Variants in GPRIN2 observed in about 807,000 individuals in gnomAD.
GPRIN2 encodes G protein-regulated inducer of neurite outgrowth 2.
Under a neutral mutation model 0.3 loss-of-function variants are expected in GPRIN2, and 1 was observed. The ratio of observed to expected loss-of-function variants is 3.90; its 90% confidence interval spans 1.39 to 18.51. The LOEUF (loss-of-function observed/expected upper bound fraction) is 18.51, where lower values mean the gene tolerates loss of function less well. Ranked by LOEUF, GPRIN2 falls within the 30% of genes most tolerant of loss-of-function variation. The pLI is 0.11. For synonymous variants in GPRIN2, 361 were observed against 258.6 expected (o/e 1.40, Z -3.80); for missense variants, 880 against 604.2 (o/e 1.46, Z -4.79).
Position 46,544,337 on chromosome 10 carries a change from T to G in GPRIN2, c.*5023A>C, listed in dbSNP as rs1280986358. On this transcript the variant is annotated 3_prime_UTR_variant, in exon 3 of 3. Transcript: ENST00000374314. The stretch of plus-strand genomic sequence containing the variant: ...CATACTTCTTTCTTGTCTTTTTCTT[T>G]TTTTGAAACAGGGTCTGGCTCCGTC... Among the ~76,000 whole-genome samples, 1 of 152,310 alleles carries G rather than the reference T, an allele frequency of 6.6e-6. No homozygotes were observed. Among genetic ancestry groups the G allele is most frequent in the African/African-American group, 2.4e-5 (1 of 41,486 alleles).
At position 46,550,185 on chromosome 10, in the gene GPRIN2, G is replaced by GT. The variant is rs1832455597; in HGVS notation, c.551dup (p.Asn184LysfsTer31). ...GACTCGCCCCCAGCATCCAGGCTGAGTTAGAAGTCTCATCCTCAGGAGCCA... is the reference window on the plus strand; with the variant it reads ...GACTCGCCCCCAGCATCCAGGCTGAGTTTAGAAGTCTCATCCTCAGGAGCCA... On this transcript the variant is annotated frameshift_variant, in exon 3 of 3. Coordinates refer to ENST00000374314, the MANE Select transcript of GPRIN2 (RefSeq NM_001385282.1). LOFTEE classifies it low-confidence loss of function (END_TRUNC). The GT allele has an allele frequency of 6.2e-7, 1 of 1,600,092 alleles. No homozygotes were observed. The highest frequency in any genetic ancestry group is 8.5e-7 in the Non-Finnish European group (1 of 1,172,900).
intron 2 of GPRIN2, 138 bp downstream of exon 2, chr10:46,554,447 G>C (rs1842952083): frequency 6.5e-6 from 1 of 152,752 alleles, no homozygotes; most frequent in South Asian, 2.1e-4. Context: ...TGCCCAGAAT[G>C]GCACACCCAC....
rs1832935607 is a variant in GPRIN2, at chr10:46,545,705, G to A, written c.*3655C>T. 1.3e-4 allele frequency among the ~76,000 whole-genome samples: 20 copies of A among 152,412 alleles called. No individual in the cohort carries two copies. The highest frequency in any genetic ancestry group is 1.2e-3 in the East Asian group (6 of 5,194). ...CTGTGATCACAGCCAAGCTGGCAGG[G>A]TAAGAGGTGGCCCCTGAATGTGGCT... On this transcript the variant is annotated 3_prime_UTR_variant, in exon 3 of 3. Transcript: ENST00000374314.
chr10:46,549,803 C>A lies in GPRIN2; in HGVS notation c.934G>T (p.Asp312Tyr). 1 of 1,614,198 alleles carries A rather than the reference C, an allele frequency of 6.2e-7. No homozygotes were observed. Among genetic ancestry groups the A allele is most frequent in the East Asian group, 2.2e-5 (1 of 44,896 alleles). The change falls in exon 3 of 3, where the codon GAT becomes TAT. Residue 312 changes from aspartate to tyrosine, a missense_variant. Asp to Tyr is a radical substitution (Grantham distance 160). Coordinates refer to ENST00000374314, the MANE Select transcript of GPRIN2 (RefSeq NM_001385282.1). The part of the protein sequence containing the change: ...LVPEPGSRTK[D>Y]VWTMTSANDL... Reference sequence around the variant, plus strand: ...TTGGCTGAGGTCATGGTCCACACATCTTTGGTCCTAGAGCCAGGCTCTGGG... The same window carrying A: ...TTGGCTGAGGTCATGGTCCACACATATTTGGTCCTAGAGCCAGGCTCTGGG...
intron 2 of GPRIN2, among the ~76,000 whole-genome samples, chr10:46,551,150 G>A (rs138803152): frequency 4.1e-4 from 62 of 152,366 alleles, no homozygotes; most frequent in African/African-American, 1.3e-3. Flanking sequence ...ACAGCTCTTG[G>A]TCAACCAGCA....
chr10:46,546,300 T>C lies in GPRIN2; in HGVS notation c.*3060A>G, dbSNP rs1832909989. On this transcript the variant is annotated 3_prime_UTR_variant, in exon 3 of 3. Coordinates refer to ENST00000374314, the MANE Select transcript of GPRIN2 (RefSeq NM_001385282.1). ...CAGCTGTCGGGGGTCCTGAATGCCA[T>C]GGAAGGAGAGCAGGTGGGCAGAAGC... Among the ~76,000 whole-genome samples the C allele has an allele frequency of 1.3e-3, 191 of 152,318 alleles. No individual in the cohort carries two copies. The highest frequency in any genetic ancestry group is 2.0e-3 in the Non-Finnish European group (139 of 67,986).
rs1484122195 is a variant in GPRIN2, at chr10:46,556,560, C to T, written c.-180G>A. ...CTGCTCCTGCGGCCGCCACAGGTGC[C>T]AGGTGCCGCGGCCCAAGATGGAGCC... is the stretch of plus-strand genomic sequence containing the variant. On this transcript the variant is annotated 5_prime_UTR_variant, in exon 1 of 3. Transcript: ENST00000374314. Among the ~76,000 whole-genome samples, 2 of 152,202 alleles carry T rather than the reference C, an allele frequency of 1.3e-5. No homozygotes were observed. The highest frequency in any genetic ancestry group is 2.9e-5 in the Non-Finnish European group (2 of 68,016).
At position 46,549,246 on chromosome 10, in the gene GPRIN2, TGA is replaced by T. The variant is rs1259766231; in HGVS notation, c.*112_*113del. On this transcript the variant is annotated 3_prime_UTR_variant, in exon 3 of 3. Coordinates refer to ENST00000374314, the MANE Select transcript of GPRIN2 (RefSeq NM_001385282.1). ...GGTCTGGAGGCAGCCAATATTCAGG[TGA>T]GAGATGTGCCCAGCTGCCGGTGGGT... The T allele has an allele frequency of 1.2e-5, 16 of 1,323,598 alleles. No individual in the cohort carries two copies. Among genetic ancestry groups the T allele is most frequent in the East Asian group, 8.2e-5 (3 of 36,644 alleles). The allele number at this position is 1,323,598 out of a possible 1,614,324, so 82.0% of individuals were successfully genotyped here.
intron 2 of GPRIN2, among the ~76,000 whole-genome samples, chr10:46,553,228 C>T (rs1188884645): frequency 5.3e-5 from 8 of 152,304 alleles, no homozygotes; most frequent in South Asian, 2.1e-4. Flanking sequence ...AGCTCTCACC[C>T]TTTTTACTGA....
rs1832402731 is a variant in GPRIN2 at position 46,550,342 on chromosome 10, C to G, written c.395G>C (p.Gly132Ala). Reference sequence around the variant, plus strand: ...ACTGGCCTTCCGAGCACCACTGTGTCCCCGCATCTGGGTGCTACGGACCAG... The same window carrying G: ...ACTGGCCTTCCGAGCACCACTGTGTGCCCGCATCTGGGTGCTACGGACCAG... ...SDLVRSTQMR[G>A]HSGARKASLS... is the part of the protein sequence containing the mutation. Residue 132 changes from glycine (G) to alanine (A), a missense_variant, in exon 3 of 3, where the codon GGA (glycine) becomes GCA (alanine). Coordinates refer to ENST00000374314, the MANE Select transcript of GPRIN2 (RefSeq NM_001385282.1). The G allele has an allele frequency of 1.2e-6, 2 of 1,613,052 alleles. No individual in the cohort carries two copies. The highest frequency in any genetic ancestry group is 2.2e-5 in the South Asian group (2 of 91,066).
chr10:46,557,174 C>A, upstream of GPRIN2, among the ~76,000 whole-genome samples: 1 of 151,998 alleles, frequency 6.6e-6, no homozygotes, highest in Non-Finnish European at 1.5e-5. Flanking sequence ...ACCCCGTTTC[C>A]TATAGGGCCC....
At chr10:46,553,357 G>A (rs1319624256) in intron 2 of GPRIN2, among the ~76,000 whole-genome samples, 2 of 152,308 alleles carry the variant, frequency 1.3e-5, no homozygotes, top group African/African-American at 4.8e-5. Flanking sequence ...GAGGAGGGCA[G>A]GAGGTGTTCC....
At chr10:46,550,850 G>A in intron 2 of GPRIN2, 108 bp from the exon 3 acceptor site, 1 of 1,263,222 alleles carries the variant, frequency 7.9e-7, no homozygotes, top group East Asian at 2.6e-5. Flanking sequence ...GCCACCTTCA[G>A]TCCCAGCCTG....
In GPRIN2 at chr10:46,544,882, C is replaced by T. The variant is rs1832968109; in HGVS notation, c.*4478G>A. On this transcript the variant is annotated 3_prime_UTR_variant, in exon 3 of 3. Transcript: ENST00000374314. ...GATGACCGTGTGGATTTGGAGGGAC[C>T]TGGGAATCTCACAGACCTATGGGAT... 6.2e-4 allele frequency among the ~76,000 whole-genome samples: 94 copies of T among 152,278 alleles called. No individual in the cohort carries two copies. Among genetic ancestry groups the T allele is most frequent in the Non-Finnish European group, 1.1e-3 (77 of 67,950 alleles).
At chr10:46,554,311 T>C (rs1467755895) in intron 2 of GPRIN2, among the ~76,000 whole-genome samples, 1 of 152,306 alleles carries the variant, frequency 6.6e-6, no homozygotes, top group Non-Finnish European at 1.5e-5. Flanking sequence ...CTTCATCCCA[T>C]CCTAGGACCA....
At chr10:46,552,446 C>T (rs1162252007) in intron 2 of GPRIN2, among the ~76,000 whole-genome samples, 1 of 152,428 alleles carries the variant, frequency 6.6e-6, no homozygotes, top group African/African-American at 2.4e-5. Context: ...ACCTCCCCGA[C>T]CAGGTGAGCA....
rs1841873616 is a variant in GPRIN2 at position 46,543,008 on chromosome 10, C to T, written c.*6352G>A. The stretch of plus-strand genomic sequence containing the variant: ...GTGCCCTTCCAGCCCGACCAAAGTC[C>T]TTCCATTCACCCAGCAGGGCCACTG... On this transcript the variant is annotated 3_prime_UTR_variant, in exon 3 of 3. Transcript: ENST00000374314. Among the ~76,000 whole-genome samples, 2 of 152,426 alleles carry T rather than the reference C, an allele frequency of 1.3e-5. No homozygotes were observed. The highest frequency in any genetic ancestry group is 2.9e-5 in the Non-Finnish European group (2 of 68,050).
Position 46,550,663 on chromosome 10 carries a change from G to T in GPRIN2, c.74C>A (p.Ser25Tyr). Residue 25 changes from serine (S) to tyrosine (Y), a missense_variant, in exon 3 of 3, where the codon TCT (serine) becomes TAT (tyrosine). Physicochemically the swap from Ser to Tyr is moderately radical, Grantham distance 144. Transcript: ENST00000374314. Reference sequence around the variant, plus strand: ...CCGGCCTTCACCCAGCAGGCTGGAAGAGCTCTGGGACAGGGGCTGAAGGCG... The same window carrying T: ...CCGGCCTTCACCCAGCAGGCTGGAATAGCTCTGGGACAGGGGCTGAAGGCG... ...SPRLQPLSQS[S>Y]SSLLGEGREQ... 1 of 1,546,040 alleles carries T rather than the reference G, an allele frequency of 6.5e-7. No individual in the cohort carries two copies. The highest frequency in any genetic ancestry group is 1.3e-5 in the South Asian group (1 of 78,544).
chr10:46,546,260 T>C lies in GPRIN2; in HGVS notation c.*3100A>G, dbSNP rs1472406690. 3.3e-5 allele frequency among the ~76,000 whole-genome samples: 5 copies of C among 152,306 alleles called. No homozygotes were observed. The highest frequency in any genetic ancestry group is 1.2e-4 in the African/African-American group (5 of 41,484). On this transcript the variant is annotated 3_prime_UTR_variant, in exon 3 of 3. Transcript: ENST00000374314. ...AGGCAGGCCCAGAGGGGACAAGCTA[T>C]ATGAAGAGAGGCTTCAGCTGTCGGG...
Sources: allele counts gnomAD v4.1 joint callset (sites outside exome capture counted in the v4.1 genomes callset), GRCh38; gene constraint gnomAD v4.1.1; transcripts MANE v1.5; gene names NCBI Gene and HGNC (gene_info 2026-07-23, HGNC 2026-07-21).